Variants in INPP5A observed in about 807,000 individuals in gnomAD.
INPP5A encodes 43 kDa inositol polyphosphate 5-phophatase.
INPP5A carries 14 observed loss-of-function variants against 65.2 expected under a neutral mutation model. The ratio of observed to expected loss-of-function variants is 0.21; its 90% CI spans 0.14 to 0.34. INPP5A has a LOEUF of 0.34. Ranked by LOEUF, INPP5A falls within the 10% of genes least tolerant of loss-of-function variation. The pLI, the probability that INPP5A is intolerant of heterozygous loss-of-function variation, is 1.00. For missense variants in INPP5A, 431 were observed against 545.6 expected (o/e 0.79, Z 2.09); for synonymous variants, 207 against 208.3 (o/e 0.99, Z 0.05).
chr10:132,722,179 T>C (rs1281236906), intron 8 of INPP5A, among the ~76,000 whole-genome samples: 2 of 152,156 alleles, frequency 1.3e-5, no homozygotes, highest in Non-Finnish European at 2.9e-5. Context: ...GTCTCTACCA[T>C]AGCAGAGAAA....
At chr10:132,758,824 C>T (rs774933209) in intron 11 of INPP5A, among the ~76,000 whole-genome samples, 1 of 152,198 alleles carries the variant, frequency 6.6e-6, no homozygotes, top group Non-Finnish European at 1.5e-5. Context: ...ATGTGGCCCA[C>T]GTGGGGTCTC....
chr10:132,693,666 C>A (rs186008717), intron 5 of INPP5A, among the ~76,000 whole-genome samples: 2 of 151,742 alleles, frequency 1.3e-5, no homozygotes, highest in Non-Finnish European at 2.9e-5. Context: ...TTGAAAAAAA[C>A]AATAAAATGG....
Position 132,755,658 on chromosome 10 carries a change from GAGC to G in INPP5A, c.903+5816_903+5818del, listed in dbSNP as rs567256516. Among the ~76,000 whole-genome samples, 54 of 152,226 alleles carry G rather than the reference GAGC, an allele frequency of 3.5e-4. 1 individual carries two copies. In the South Asian group the frequency reaches 7.3e-3, roughly 20 times the overall value. ...AGCAGGCGTGTGCATGCATGAGCGT[GAGC>G]AGGTGTGTGCATGTGAGTGGGTGTG... On this transcript the variant is annotated intron_variant, in intron 11 of 15. Transcript: ENST00000368594.
chr10:132,558,346 G>T lies in INPP5A; in HGVS notation c.75+20175G>T, dbSNP rs571894865. Among the ~76,000 whole-genome samples, 57 of 152,314 alleles carry T rather than the reference G, an allele frequency of 3.7e-4. 3 individuals are homozygous for T. In the South Asian group the frequency reaches 0.011, roughly 29 times the overall value. Reference sequence around the variant, plus strand: ...TCTCCTGAGAGGCCACTCGCTCCGGGGCTAATCATGGTTAATCCCACATGA... The same window carrying T: ...TCTCCTGAGAGGCCACTCGCTCCGGTGCTAATCATGGTTAATCCCACATGA... On this transcript the variant is annotated intron_variant, in intron 1 of 15. Coordinates refer to ENST00000368594, the MANE Select transcript of INPP5A (RefSeq NM_005539.5).
chr10:132,742,057 C>T (rs940280047), intron 9 of INPP5A, among the ~76,000 whole-genome samples: 4 of 152,208 alleles, frequency 2.6e-5, no homozygotes, highest in Non-Finnish European at 5.9e-5. Context: ...CAATCAGCAC[C>T]GGGTCCTACA....
intron 4 of INPP5A, among the ~76,000 whole-genome samples, chr10:132,669,418 C>T (rs2072853037): frequency 6.6e-6 from 1 of 152,184 alleles, no homozygotes; most frequent in Non-Finnish European, 1.5e-5. Context: ...CTATTCTTAA[C>T]CTCAAGGCTT....
chr10:132,712,769 G>A (rs1182716950), intron 8 of INPP5A, among the ~76,000 whole-genome samples: 1 of 149,844 alleles, frequency 6.7e-6, no homozygotes, highest in South Asian at 2.1e-4. Context: ...TGTGTATTTG[G>A]GTGTGTGCAT....
intron 12 of INPP5A, among the ~76,000 whole-genome samples, chr10:132,768,267 T>A (rs1299720990): frequency 6.7e-6 from 1 of 148,800 alleles, no homozygotes; most frequent in Non-Finnish European, 1.5e-5. Context: ...CCCAGTGGCA[T>A]TCCAGAAAGA....
At chr10:132,688,015 C>G (rs918840175) in intron 4 of INPP5A, among the ~76,000 whole-genome samples, 5 of 152,192 alleles carry the variant, frequency 3.3e-5, no homozygotes, top group Non-Finnish European at 7.3e-5. Context: ...ATGTGGCCAG[C>G]GTCCCCGGGA....
In INPP5A at chr10:132,727,045, A is replaced by AT. The variant is rs1845998668; in HGVS notation, c.732+141dup. 1.9e-6 allele frequency: 1 copy of AT among 521,984 alleles called. No homozygotes were observed. The highest frequency in any genetic ancestry group is 3.2e-5 in the East Asian group (1 of 31,638). 32.3% of individuals were successfully genotyped at this position (521,984 alleles called of 1,614,324 possible). A position where few individuals can be genotyped will look rare whatever the true frequency, so the allele number is the denominator to read the frequency against. On this transcript the variant is annotated intron_variant, in intron 9 of 15. Transcript: ENST00000368594. The surrounding 1 kb of genome is among the most constrained non-coding windows in gnomAD (Gnocchi z 6.5). ...GCACTTTTTAAGGCAAAACCTTTCA[A>AT]TGAAGAAGCATGTTTTGCTGTCGGC...
intron 1 of INPP5A, among the ~76,000 whole-genome samples, chr10:132,565,149 T>C (rs554567666): frequency 6.6e-6 from 1 of 152,360 alleles, no homozygotes; most frequent in South Asian, 2.1e-4. Context: ...TCAGCTCTGT[T>C]GTCCAGGCTG....
chr10:132,605,228 T>G (rs1489147864), intron 1 of INPP5A, among the ~76,000 whole-genome samples: 1 of 8,384 alleles, frequency 1.2e-4, no homozygotes, highest in Non-Finnish European at 2.1e-4. Flanking sequence ...GGGCTGGGGA[T>G]GGGGAAGAAG....
chr10:132,643,229 C>A (rs1233769743), intron 2 of INPP5A, among the ~76,000 whole-genome samples: 3 of 152,114 alleles, frequency 2.0e-5, no homozygotes, highest in Non-Finnish European at 4.4e-5. Context: ...CTAAGAAAGG[C>A]ACAAAATAAA....
In INPP5A at chr10:132,575,753, G is replaced by A. The variant is rs2071405582; in HGVS notation, c.76-32162G>A. 6.6e-6 allele frequency among the ~76,000 whole-genome samples: 1 copy of A among 152,136 alleles called. No homozygotes were observed. The highest frequency in any genetic ancestry group is 2.1e-4 in the South Asian group (1 of 4,814). ...CCCGGTTCCCTGTGTCCCTCTGGCC[G>A]TGGGCTCCCGCGTGGTGTGTGCGGC... On this transcript the variant is annotated intron_variant, in intron 1 of 15. Transcript: ENST00000368594. This position sits in a 1 kb window ranked among gnomAD's most constrained non-coding sequence, Gnocchi z 5.4.
chr10:132,538,244 A>G lies in INPP5A; in HGVS notation c.75+73A>G, dbSNP rs2070866230. On this transcript the variant is annotated intron_variant, in intron 1 of 15. Coordinates refer to ENST00000368594, the MANE Select transcript of INPP5A (RefSeq NM_005539.5). This position sits in a 1 kb window ranked among gnomAD's most constrained non-coding sequence, Gnocchi z 4.1. ...CCTGACCCCGGGGTCCCGAACTGCA[A>G]GCCTTGGACCCTGGACCGTGAACCT... is the stretch of plus-strand genomic sequence containing the variant. 1 of 894,512 alleles carries G rather than the reference A, an allele frequency of 1.1e-6. No homozygotes were observed. Among genetic ancestry groups the G allele is most frequent in the East Asian group, 3.7e-5 (1 of 27,322 alleles). 55.4% of individuals were successfully genotyped at this position (894,512 alleles called of 1,614,324 possible).
chr10:132,619,789 G>T (rs1214237778), intron 2 of INPP5A, among the ~76,000 whole-genome samples: 1 of 152,194 alleles, frequency 6.6e-6, no homozygotes, highest in South Asian at 2.1e-4. Context: ...CTCCTGAGTA[G>T]CTGGGATTAC....
intron 6 of INPP5A, among the ~76,000 whole-genome samples, chr10:132,699,817 C>G (rs1845408195): frequency 6.6e-6 from 1 of 152,216 alleles, no homozygotes; most frequent in African/African-American, 2.4e-5. Flanking sequence ...AGCGGGACCT[C>G]CTTCTTGCAC....
Position 132,715,839 on chromosome 10 carries a change from G to A in INPP5A, c.647+5383G>A, listed in dbSNP as rs181616745. On this transcript the variant is annotated intron_variant, in intron 8 of 15. Coordinates refer to ENST00000368594, the MANE Select transcript of INPP5A (RefSeq NM_005539.5). ...GTCCCAATCAGGCTTTCTCAGACTCGGAGACCTCAGGGTGGCCGAGGTCAT... is the reference window on the plus strand; with the variant it reads ...GTCCCAATCAGGCTTTCTCAGACTCAGAGACCTCAGGGTGGCCGAGGTCAT... Among the ~76,000 whole-genome samples the A allele has an allele frequency of 1.8e-4, 28 of 152,308 alleles. No individual in the cohort carries two copies. In the South Asian group the frequency reaches 2.5e-3, roughly 14 times the overall value.
intron 1 of INPP5A, among the ~76,000 whole-genome samples, chr10:132,580,414 C>T (rs2071468399): frequency 6.6e-6 from 1 of 152,184 alleles, no homozygotes; most frequent in Non-Finnish European, 1.5e-5. Context: ...TCACCTTCCG[C>T]CATGATTGTA....
Sources: gnomAD v4.1 joint callset for allele counts (sites outside exome capture counted in the v4.1 genomes callset) on GRCh38, gnomAD v4.1.1 for gene constraint, Gnocchi (gnomAD v3.1) non-coding constraint, MANE v1.5 for transcripts, NCBI Gene and HGNC (gene_info 2026-07-23, HGNC 2026-07-21) for gene names.